SEMA3E: variants seen among roughly 807,000 people sequenced by gnomAD.
SEMA3E encodes the protein semaphorin-3E.
Under a neutral mutation model 93.6 loss-of-function variants are expected in SEMA3E, and 49 were observed. The ratio of observed to expected loss-of-function variants is 0.52; its 90% confidence interval spans 0.42 to 0.66. The LOEUF (loss-of-function observed/expected upper bound fraction) is 0.66. Among genes scored for constraint, SEMA3E ranks in the 30% least tolerant of loss-of-function variants. The pLI, the probability that SEMA3E is intolerant of heterozygous loss-of-function variation, is 0.00. For synonymous variants in SEMA3E, 363 were observed against 330.7 expected (o/e 1.10, Z -1.06); for missense variants, 906 against 964.8 (o/e 0.94, Z 0.81).
chr7:83,583,548 C>T (rs1047247584), intron 1 of SEMA3E, among the ~76,000 whole-genome samples: 3 of 151,984 alleles, frequency 2.0e-5, no homozygotes, highest in African/African-American at 7.3e-5. Flanking sequence ...CTTGTCCTTC[C>T]CCATATTTAT....
chr7:83,581,056 A>ATT (rs1304643629), intron 1 of SEMA3E, among the ~76,000 whole-genome samples: 1 of 151,968 alleles, frequency 6.6e-6, no homozygotes. Flanking sequence ...TCTACTTTGA[A>ATT]ATGGGCTTAT....
intron 1 of SEMA3E, among the ~76,000 whole-genome samples, chr7:83,601,465 G>T (rs980240900): frequency 2.6e-5 from 4 of 151,638 alleles, no homozygotes; most frequent in Non-Finnish European, 1.5e-5. Context: ...ACTGGAGAAT[G>T]CACACAAGTT....
intron 1 of SEMA3E, among the ~76,000 whole-genome samples, chr7:83,514,547 A>C (rs1172107951): frequency 6.6e-6 from 1 of 152,170 alleles, no homozygotes; most frequent in African/African-American, 2.4e-5. Flanking sequence ...GTTTTTAAAA[A>C]AAGATAAAAT....
At chr7:83,387,265 A>G (rs750809744) in intron 14 of SEMA3E, among the ~76,000 whole-genome samples, 5 of 152,148 alleles carry the variant, frequency 3.3e-5, no homozygotes, top group Non-Finnish European at 5.9e-5. Flanking sequence ...CTTTATTTAC[A>G]TAATGTTGAA....
chr7:83,420,858 A>AAACATAGCCTAGTGC (rs1451192435), intron 4 of SEMA3E, among the ~76,000 whole-genome samples: 25 of 144,400 alleles, frequency 1.7e-4, no homozygotes, highest in Admixed American at 2.0e-4. Flanking sequence ...AAGACCTCTA[A>AAACATAGCCTAGTGC]CTATAAGAAT....
rs2115733213 is a variant in SEMA3E, at chr7:83,648,672, A to G, written c.-130T>C. Reference sequence around the variant, plus strand: ...ATCGAACGCGTTGTCATCAGAAAGCACAGTTCCGAAGTGCCATTTGTCAGG... The same window carrying G: ...ATCGAACGCGTTGTCATCAGAAAGCGCAGTTCCGAAGTGCCATTTGTCAGG... On this transcript the variant is annotated 5_prime_UTR_variant, in exon 1 of 17. Transcript: ENST00000643230. 2 of 739,834 alleles carry G rather than the reference A, an allele frequency of 2.7e-6. No homozygotes were observed. The highest frequency in any genetic ancestry group is 4.9e-6 in the Non-Finnish European group (2 of 408,924). 45.8% of individuals were successfully genotyped at this position (739,834 alleles called of 1,614,324 possible).
intron 1 of SEMA3E, among the ~76,000 whole-genome samples, chr7:83,498,233 T>C (rs1336292584): frequency 6.6e-6 from 1 of 152,144 alleles, no homozygotes; most frequent in African/African-American, 2.4e-5. Context: ...TTTCGGGGAT[T>C]CAAAGGTTAT....
At chr7:83,399,306 A>G (rs1187309219) in intron 11 of SEMA3E, among the ~76,000 whole-genome samples, 2 of 152,216 alleles carry the variant, frequency 1.3e-5, no homozygotes, top group Non-Finnish European at 2.9e-5. Flanking sequence ...CTCTTCTACA[A>G]GTTAGATCTA....
chr7:83,637,789 C>CTTTTTTTTTTTT (rs202153375), intron 1 of SEMA3E, among the ~76,000 whole-genome samples: 1 of 128,984 alleles, frequency 7.8e-6, no homozygotes, highest in South Asian at 2.5e-4. Context: ...TCTGGCAGTT[C>CTTTTTTTTTTTT]TTTTTTTTTT....
chr7:83,533,553 CGATAAAATAA>C (rs1457964631), intron 1 of SEMA3E, among the ~76,000 whole-genome samples: 2 of 138,616 alleles, frequency 1.4e-5, no homozygotes, highest in African/African-American at 5.5e-5. Context: ...CAATAAAATA[CGATAAAATAA>C]AATAAAATAA....
At chr7:83,603,561 T>C (rs1793042199) in intron 1 of SEMA3E, among the ~76,000 whole-genome samples, 1 of 152,184 alleles carries the variant, frequency 6.6e-6, no homozygotes, top group Non-Finnish European at 1.5e-5. Context: ...GATGCTACTG[T>C]AAACATTTTA....
At position 83,408,361 on chromosome 7, in the gene SEMA3E, T is replaced by C. The variant is rs777108802; in HGVS notation, c.670+7A>G. ...CCTAATTCACATACTCTTTTCCTCATCCTTACCTTTCAACAGACGCTCATC... is the reference window on the plus strand; with the variant it reads ...CCTAATTCACATACTCTTTTCCTCACCCTTACCTTTCAACAGACGCTCATC... On this transcript the variant is annotated splice_region_variant and intron_variant, in intron 6 of 16. Coordinates refer to ENST00000643230, the MANE Select transcript of SEMA3E (RefSeq NM_012431.3). The C allele has an allele frequency of 9.9e-6, 16 of 1,613,546 alleles. 1 individual carries two copies. The highest frequency in any genetic ancestry group is 3.3e-4 in the Middle Eastern group (2 of 6,082).
intron 1 of SEMA3E, among the ~76,000 whole-genome samples, chr7:83,572,753 T>C (rs1255526586): frequency 2.0e-5 from 3 of 152,018 alleles, no homozygotes; most frequent in Non-Finnish European, 2.9e-5. Context: ...TTTGACAAAG[T>C]TGACAAAAAT....
intron 1 of SEMA3E, among the ~76,000 whole-genome samples, chr7:83,565,384 G>A (rs1792123604): frequency 6.6e-6 from 1 of 151,836 alleles, no homozygotes; most frequent in South Asian, 2.1e-4. Flanking sequence ...CACACACCAG[G>A]GCCTATTGAG....
intron 4 of SEMA3E, among the ~76,000 whole-genome samples, chr7:83,431,949 CTT>C (rs34741502): frequency 5.9e-4 from 82 of 139,128 alleles, no homozygotes; most frequent in East Asian, 1.1e-3. Context: ...TAATTGGTGA[CTT>C]TTTTTTTTTT....
At chr7:83,454,257 C>CAAAAAAAAAAA (rs1157801830) in intron 4 of SEMA3E, among the ~76,000 whole-genome samples, 4 of 44,958 alleles carry the variant, frequency 8.9e-5, no homozygotes, top group African/African-American at 3.2e-4. Flanking sequence ...GACTCCGACT[C>CAAAAAAAAAAA]AAAAAAAAAA....
chr7:83,436,350 T>TAA (rs1554325336), intron 4 of SEMA3E, among the ~76,000 whole-genome samples: 212 of 150,792 alleles, frequency 1.4e-3, no homozygotes, highest in African/African-American at 5.0e-3. Flanking sequence ...AGAATAGAAA[T>TAA]AAGAATGAGA....
chr7:83,531,203 T>C (rs1791287446), intron 1 of SEMA3E, among the ~76,000 whole-genome samples: 1 of 151,914 alleles, frequency 6.6e-6, no homozygotes, highest in Non-Finnish European at 1.5e-5. Context: ...AAAGTTAATA[T>C]TTTATTTGTT....
chr7:83,437,401 A>G (rs1789026538), intron 4 of SEMA3E, among the ~76,000 whole-genome samples: 2 of 152,162 alleles, frequency 1.3e-5, no homozygotes, highest in African/African-American at 4.8e-5. Flanking sequence ...TTATAATAAA[A>G]TAAGACACAA....
Sources: gnomAD v4.1 joint callset for allele counts (sites outside exome capture counted in the v4.1 genomes callset) on GRCh38, gnomAD v4.1.1 for gene constraint, MANE v1.5 for transcripts, NCBI Gene and HGNC (gene_info 2026-07-23, HGNC 2026-07-21) for gene names.